Variants in LEKR1 observed in about 807,000 individuals in gnomAD.
The protein encoded by LEKR1 is leucine, glutamate and lysine rich 1.
In LEKR1, 59 loss-of-function variants were observed where a neutral mutation model predicts 72.4. The ratio of observed to expected loss-of-function variants is 0.82; its 90% CI spans 0.66 to 1.01. The LOEUF (loss-of-function observed/expected upper bound fraction) is 1.01. Among genes scored for constraint, LEKR1 ranks in the 50% least tolerant of loss-of-function variants. LEKR1 has a pLI of 0.00. For synonymous variants in LEKR1, 257 were observed against 263.2 expected (o/e 0.98, Z 0.23); for missense variants, 728 against 759.2 (o/e 0.96, Z 0.48).
At chr3:156,921,326 G>T (rs994004890) in intron 4 of LEKR1, among the ~76,000 whole-genome samples, 2 of 151,794 alleles carry the variant, frequency 1.3e-5, no homozygotes, top group Non-Finnish European at 2.9e-5. Flanking sequence ...AATGACACAG[G>T]TTCTGGATGA....
intron 3 of LEKR1, among the ~76,000 whole-genome samples, chr3:156,857,205 T>C (rs1220427850): frequency 6.6e-6 from 1 of 152,128 alleles, no homozygotes; most frequent in African/African-American, 2.4e-5. Flanking sequence ...TCTGTTAATA[T>C]AGTAAATCAT....
chr3:156,855,872 G>C (rs1348978584), intron 3 of LEKR1, among the ~76,000 whole-genome samples: 1 of 152,050 alleles, frequency 6.6e-6, no homozygotes, highest in African/African-American at 2.4e-5. Context: ...TTCCCTTCAA[G>C]ATTCAAATCC....
intron 12 of LEKR1, among the ~76,000 whole-genome samples, chr3:157,036,799 C>G (rs964679648): frequency 2.6e-5 from 4 of 152,060 alleles, no homozygotes; most frequent in Non-Finnish European, 5.9e-5. Flanking sequence ...AGAAGTATGT[C>G]TCCAAGAACA....
At chr3:156,908,954 G>A (rs9875688) in intron 3 of LEKR1, among the ~76,000 whole-genome samples, 64,824 of 152,020 alleles carry the variant, frequency 0.43, 16,056 homozygotes, top group East Asian at 0.72. Context: ...CCCACATGTT[G>A]TGGAAGGGAC....
intron 3 of LEKR1, among the ~76,000 whole-genome samples, chr3:156,888,641 G>C (rs991428299): frequency 3.1e-4 from 47 of 152,240 alleles, no homozygotes; most frequent in Admixed American, 2.3e-3. Context: ...GCTTGTGTTT[G>C]TTTGTCTTCT....
chr3:156,961,223 G>T (rs1728102679), intron 6 of LEKR1, among the ~76,000 whole-genome samples: 1 of 152,132 alleles, frequency 6.6e-6, no homozygotes, highest in Admixed American at 6.5e-5. Context: ...AAATGATTTT[G>T]CATATAACAT....
intron 1 of LEKR1, chr3:156,826,995 C>T (rs1450626698): frequency 6.5e-6 from 1 of 154,760 alleles, no homozygotes; most frequent in Non-Finnish European, 1.5e-5. Flanking sequence ...AGGAGGTTCA[C>T]AAACACCCAC....
At chr3:156,857,656 G>A (rs1316158665) in intron 3 of LEKR1, among the ~76,000 whole-genome samples, 1 of 152,126 alleles carries the variant, frequency 6.6e-6, no homozygotes, top group Non-Finnish European at 1.5e-5. Flanking sequence ...CACTCAAGAA[G>A]TTTTGGATTT....
chr3:156,893,210 T>G (rs1162373466), intron 3 of LEKR1, among the ~76,000 whole-genome samples: 1 of 152,124 alleles, frequency 6.6e-6, no homozygotes, highest in African/African-American at 2.4e-5. Flanking sequence ...GGGTGAGATT[T>G]TTATTCATGA....
At chr3:156,857,350 G>A (rs1278551387) in intron 3 of LEKR1, among the ~76,000 whole-genome samples, 1 of 151,978 alleles carries the variant, frequency 6.6e-6, no homozygotes, top group Non-Finnish European at 1.5e-5. Context: ...ACTGCTATAA[G>A]TACTCTGCAC....
chr3:156,947,379 G>A (rs899083961), intron 6 of LEKR1, among the ~76,000 whole-genome samples: 1 of 151,064 alleles, frequency 6.6e-6, no homozygotes, highest in Non-Finnish European at 1.5e-5. Flanking sequence ...TCACTACATA[G>A]AACTACTATC....
At chr3:156,999,549 C>G (rs1381770136) in intron 9 of LEKR1, among the ~76,000 whole-genome samples, 1 of 152,118 alleles carries the variant, frequency 6.6e-6, no homozygotes, top group African/African-American at 2.4e-5. Context: ...ATGCCATGTA[C>G]CATTTTGTGA....
intron 2 of LEKR1, among the ~76,000 whole-genome samples, chr3:156,849,910 G>A (rs1715132089): frequency 6.6e-6 from 1 of 152,132 alleles, no homozygotes; most frequent in South Asian, 2.1e-4. Context: ...TGACAAATGG[G>A]ATCTAATTAA....
intron 6 of LEKR1, among the ~76,000 whole-genome samples, chr3:156,967,744 GC>G (rs964027991): frequency 6.6e-6 from 1 of 152,124 alleles, no homozygotes; most frequent in Non-Finnish European, 1.5e-5. Context: ...AGCAAAGCAG[GC>G]CAACATTCAA....
At chr3:156,981,825 ATT>A (rs1425543281) in intron 7 of LEKR1, among the ~76,000 whole-genome samples, 1 of 152,246 alleles carries the variant, frequency 6.6e-6, no homozygotes, top group East Asian at 1.9e-4. Flanking sequence ...TATTAATACA[ATT>A]TGTTAGTAAA....
intron 6 of LEKR1, among the ~76,000 whole-genome samples, chr3:156,958,157 TTTTTG>T (rs1197440274): frequency 1.3e-5 from 2 of 152,284 alleles, no homozygotes; most frequent in East Asian, 3.9e-4. Flanking sequence ...CAGGTTGGTT[TTTTTG>T]TTTTGTTTTG....
At chr3:157,043,967 C>G (rs1735561821) in intron 12 of LEKR1, among the ~76,000 whole-genome samples, 1 of 152,170 alleles carries the variant, frequency 6.6e-6, no homozygotes, top group South Asian at 2.1e-4. Context: ...TCTGGAATTG[C>G]TCCATATTTT....
Position 156,920,581 on chromosome 3 carries a change from C to A in LEKR1, c.270C>A (p.Tyr90Ter), listed in dbSNP as rs951401091. Residue 90 changes from tyrosine to a stop codon, truncating the protein, a stop_gained, in exon 4 of 13, where the codon TAC becomes TAA. Transcript: ENST00000356539. LOFTEE classifies it high-confidence loss of function. ...IDNKSKTERIYDVGMQLKSQQ... is the reference protein window; with the variant it reads ...IDNKSKTERI ...TGTTTGTTTATATTTTTAGAATTTA[C>A]GATGTAGGCATGCAGTTAAAAAGTC... The A allele has an allele frequency of 6.9e-7, 1 of 1,453,396 alleles. No individual in the cohort carries two copies. Among genetic ancestry groups the A allele is most frequent in the South Asian group, 1.3e-5 (1 of 76,872 alleles). The allele number at this position is 1,453,396 out of a possible 1,614,324, so 90.0% of individuals were successfully genotyped here. A position where few individuals can be genotyped will look rare whatever the true frequency, so the allele number is the denominator to read the frequency against.
chr3:156,827,177 T>C (rs962637009), intron 1 of LEKR1: 1 of 152,244 alleles, frequency 6.6e-6, no homozygotes, highest in African/African-American at 2.4e-5. Context: ...TCTTTTTTCT[T>C]GAGAAACTTA....
Sources: gnomAD v4.1 joint callset for allele counts (sites outside exome capture counted in the v4.1 genomes callset) on GRCh38, gnomAD v4.1.1 for gene constraint, MANE v1.5 for transcripts, NCBI Gene and HGNC (gene_info 2026-07-23, HGNC 2026-07-21) for gene names.